The following CPQ variants were observed in gnomAD, a reference collection of about 807,000 sequenced individuals.
CPQ encodes carboxypeptidase Q, also known as Ser-Met dipeptidase.
In CPQ, 37 loss-of-function variants were observed where a neutral mutation model predicts 45.7. The observed-to-expected ratio is 0.81, with a 90% CI of 0.62 to 1.07. The LOEUF (loss-of-function observed/expected upper bound fraction) is 1.07. Among genes scored for constraint, CPQ ranks in the 50% least tolerant of loss-of-function variants. The pLI is 0.00. For synonymous variants in CPQ, 186 were observed against 205.8 expected, an observed-to-expected ratio of 0.90 and a Z score of 0.82; for missense variants, 537 against 572.9, an observed-to-expected ratio of 0.94 and a Z score of 0.64.
intron 7 of CPQ, among the ~76,000 whole-genome samples, chr8:97,068,050 G>C (rs968400120): frequency 1.3e-5 from 2 of 152,164 alleles, no homozygotes; most frequent in African/African-American, 4.8e-5. Context: ...TCAAGGTGAG[G>C]TAAGGAGCTG....
chr8:97,058,045 T>G (rs1294740371), intron 6 of CPQ, among the ~76,000 whole-genome samples: 1 of 152,192 alleles, frequency 6.6e-6, no homozygotes, highest in Non-Finnish European at 1.5e-5. Context: ...AAGTTGTGGT[T>G]AGCATCTTTA....
chr8:96,693,059 T>C (rs1015861529), intron 1 of CPQ, among the ~76,000 whole-genome samples: 6 of 151,902 alleles, frequency 3.9e-5, no homozygotes, highest in Non-Finnish European at 8.8e-5. Context: ...GAAGAATGCA[T>C]TAGAGTATCT....
rs747267124 is a variant in CPQ, at chr8:96,785,092, G to A, written c.195G>A (p.Glu65=). Reference sequence around the variant, plus strand: ...GTAAAGCCCAGAACAGATCCTATGAGCGATTGGCACTTCTGGTTGATACTG... The same window carrying A: ...GTAAAGCCCAGAACAGATCCTATGAACGATTGGCACTTCTGGTTGATACTG... The part of the protein sequence containing the change: ...VYGKAQNRSY[E]RLALLVDTVG... Residue 65 remains glutamate, a synonymous_variant, in exon 2 of 8, where the codon GAG becomes GAA. Coordinates refer to ENST00000220763, the MANE Select transcript of CPQ (RefSeq NM_016134.4). 5.6e-5 allele frequency: 90 copies of A among 1,613,688 alleles called. No homozygotes were observed. Among genetic ancestry groups the A allele is most frequent in the East Asian group, 1.3e-4 (6 of 44,832 alleles).
chr8:97,121,635 C>T (rs1038120445), intron 7 of CPQ, among the ~76,000 whole-genome samples: 1 of 152,032 alleles, frequency 6.6e-6, no homozygotes, highest in Non-Finnish European at 1.5e-5. Flanking sequence ...AATTACTAGA[C>T]ATGTAAAGAA....
At chr8:96,651,589 A>G (rs1815576833) in intron 1 of CPQ, among the ~76,000 whole-genome samples, 1 of 152,182 alleles carries the variant, frequency 6.6e-6, no homozygotes. Flanking sequence ...GTTTTACATG[A>G]CAAATCAAGT....
chr8:97,071,301 A>G (rs1292623487), intron 7 of CPQ, among the ~76,000 whole-genome samples: 1 of 152,198 alleles, frequency 6.6e-6, no homozygotes, highest in Non-Finnish European at 1.5e-5. Context: ...CAGTAGTAAG[A>G]AAAGACAGAT....
chr8:96,846,110 G>A lies in CPQ; in HGVS notation c.641+10930G>A, dbSNP rs371969836. On this transcript the variant is annotated intron_variant, in intron 3 of 7. Transcript: ENST00000220763. ...TGGGATTGCAGGCATGAGCCACGGC[G>A]CCCAGCCTCCTAACTTTTTTTAAGG... Among the ~76,000 whole-genome samples, 15 of 152,212 alleles carry A rather than the reference G, an allele frequency of 9.9e-5. No homozygotes were observed. In the East Asian group the frequency reaches 1.9e-3, roughly 20 times the overall value.
intron 5 of CPQ, 89 bp from the exon 6 acceptor site, chr8:97,029,314 C>G: frequency 7.9e-7 from 1 of 1,263,194 alleles, no homozygotes; most frequent in Non-Finnish European, 1.1e-6. Context: ...TTCCTCCTTC[C>G]TCCACAAGGC....
chr8:97,089,279 A>T (rs1376817515), intron 7 of CPQ, among the ~76,000 whole-genome samples: 1 of 151,994 alleles, frequency 6.6e-6, no homozygotes, highest in Non-Finnish European at 1.5e-5. Flanking sequence ...AAAGAAAAGA[A>T]AATTATAGTA....
intron 7 of CPQ, among the ~76,000 whole-genome samples, chr8:97,086,238 T>G (rs907741441): frequency 6.6e-6 from 1 of 152,220 alleles, no homozygotes; most frequent in East Asian, 1.9e-4. Context: ...GCTGCACGCT[T>G]AAATAATGTC....
intron 6 of CPQ, among the ~76,000 whole-genome samples, chr8:97,044,866 C>T (rs1277897076): frequency 6.6e-6 from 1 of 152,126 alleles, no homozygotes; most frequent in Non-Finnish European, 1.5e-5. Context: ...GAGGAGTACC[C>T]GGCTGTGTGA....
intron 7 of CPQ, among the ~76,000 whole-genome samples, chr8:97,135,311 T>C (rs920576): frequency 0.26 from 39,729 of 151,984 alleles, 5,746 homozygotes; most frequent in East Asian, 0.62. Flanking sequence ...CCTTTCATTT[T>C]TTCCCCCTCT....
chr8:96,689,972 T>C (rs1809283970), intron 1 of CPQ, among the ~76,000 whole-genome samples: 2 of 152,312 alleles, frequency 1.3e-5, no homozygotes, highest in Non-Finnish European at 2.9e-5. Context: ...TCTGTTTGGA[T>C]TGTCTCCAAT....
intron 7 of CPQ, among the ~76,000 whole-genome samples, chr8:97,097,219 G>A (rs1285972435): frequency 6.6e-6 from 1 of 151,980 alleles, no homozygotes; most frequent in Non-Finnish European, 1.5e-5. Context: ...TATTTTGTGG[G>A]TATATTTTCT....
chr8:96,991,551 GTCATAATAATAATAATAATAA>G (rs1809092320), intron 5 of CPQ, among the ~76,000 whole-genome samples: 1 of 114,614 alleles, frequency 8.7e-6, no homozygotes, highest in African/African-American at 3.7e-5. Context: ...ACAAGAGTCT[GTCATAATAATAATAATAATAA>G]TAATAATAAT....
At chr8:96,683,592 T>C (rs145532637) in intron 1 of CPQ, among the ~76,000 whole-genome samples, 133 of 152,294 alleles carry the variant, frequency 8.7e-4, no homozygotes, top group African/African-American at 3.2e-3. Context: ...AGTTTTTAAG[T>C]ATTATTCTGT....
chr8:96,960,156 G>C (rs571807270), intron 4 of CPQ, among the ~76,000 whole-genome samples: 3 of 152,036 alleles, frequency 2.0e-5, no homozygotes, highest in Non-Finnish European at 4.4e-5. Flanking sequence ...ATGTATTATG[G>C]CTTCTAGTTA....
chr8:96,706,897 G>T (rs914869432), intron 1 of CPQ, among the ~76,000 whole-genome samples: 1 of 152,048 alleles, frequency 6.6e-6, no homozygotes, highest in Non-Finnish European at 1.5e-5. Context: ...AGCCACAAAG[G>T]TAGGAGTAAG....
intron 1 of CPQ, among the ~76,000 whole-genome samples, chr8:96,742,610 G>C (rs566976794): frequency 3.3e-5 from 5 of 152,112 alleles, no homozygotes; most frequent in East Asian, 1.9e-4. Flanking sequence ...GCAGTGGCTG[G>C]TACCGGTTGT....
Sources: gnomAD v4.1 joint callset for allele counts (sites outside exome capture counted in the v4.1 genomes callset) on GRCh38, gnomAD v4.1.1 for gene constraint, MANE v1.5 for transcripts, NCBI Gene and HGNC (gene_info 2026-07-23, HGNC 2026-07-21) for gene names.